Variants in GALNT10 observed in about 807,000 individuals in gnomAD.
The protein encoded by GALNT10 is GalNAc transferase 10.
In GALNT10, 41 loss-of-function variants were observed where a neutral mutation model predicts 75.0. The observed-to-expected ratio is 0.55, with a 90% CI of 0.43 to 0.71. The LOEUF is 0.71. Among genes scored for constraint, GALNT10 ranks in the 30% least tolerant of loss-of-function variants. The pLI, the probability that GALNT10 is intolerant of heterozygous loss-of-function variation, is 0.00. For missense variants in GALNT10, 727 were observed against 818.5 expected (o/e 0.89, Z 1.36); for synonymous variants, 302 against 313.0 (o/e 0.96, Z 0.37).
Position 154,399,838 on chromosome 5 carries a change from C to T in GALNT10, c.1057-4266C>T, listed in dbSNP as rs550114699. 6.3e-4 allele frequency among the ~76,000 whole-genome samples: 96 copies of T among 152,300 alleles called. 1 individual carries two copies. The highest frequency in any genetic ancestry group is 3.4e-3 in the Middle Eastern group (1 of 294). On this transcript the variant is annotated intron_variant, in intron 7 of 11. Transcript: ENST00000297107. ...GGGCACAGAGGGGTTGGTAAGGACT[C>T]TTAATGTTAAAAGTGACAGAAAGGC...
intron 3 of GALNT10, among the ~76,000 whole-genome samples, chr5:154,324,149 G>A (rs1445293514): frequency 6.6e-6 from 1 of 152,248 alleles, no homozygotes; most frequent in Non-Finnish European, 1.5e-5. Context: ...CTCATTGTGT[G>A]TAACATGGGG....
intron 1 of GALNT10, among the ~76,000 whole-genome samples, chr5:154,253,171 G>T (rs1244928358): frequency 1.3e-5 from 2 of 151,556 alleles, no homozygotes; most frequent in Non-Finnish European, 2.9e-5. Context: ...GAAAACATAG[G>T]TTGCAGTTTG....
At chr5:154,210,787 A>G (rs1775184874) in intron 1 of GALNT10, among the ~76,000 whole-genome samples, 1 of 152,262 alleles carries the variant, frequency 6.6e-6, no homozygotes, top group African/African-American at 2.4e-5. Context: ...ACAACTGGCA[A>G]AATTTGAATA....
At position 154,412,752 on chromosome 5, in the gene GALNT10, AG is replaced by A; in HGVS notation, c.1387-134del. ...AGGCTCAAGGTACTTCCAACAGCCC[AG>A]GGCAAGCTTTATCAAGACGATTTGA... On this transcript the variant is annotated intron_variant, in intron 9 of 11. Transcript: ENST00000297107. This position sits in a 1 kb window ranked among gnomAD's most constrained non-coding sequence, Gnocchi z 4.2. The A allele has an allele frequency of 1.4e-6, 1 of 727,084 alleles. No homozygotes were observed. The highest frequency in any genetic ancestry group is 1.5e-5 in the South Asian group (1 of 65,992). 45.0% of individuals were successfully genotyped at this position (727,084 alleles called of 1,614,324 possible).
chr5:154,198,352 A>T (rs1774976658), intron 1 of GALNT10, among the ~76,000 whole-genome samples: 1 of 152,208 alleles, frequency 6.6e-6, no homozygotes, highest in South Asian at 2.1e-4. Flanking sequence ...GGTACAGAAC[A>T]AGTGCTTGGT....
rs779456552 is a variant in GALNT10 at position 154,329,653 on chromosome 5, C to A, written c.483C>A (p.Leu161=). Residue 161 remains leucine, a synonymous_variant, in exon 4 of 12, where the codon CTC becomes CTA. Coordinates refer to ENST00000297107, the MANE Select transcript of GALNT10 (RefSeq NM_198321.4). The stretch of plus-strand genomic sequence containing the variant: ...TCCACAACGAGGGCTGGTCCTCCCT[C>A]CTCCGCACCGTCCACAGTGTGCTCA... ...IPFHNEGWSS[L]LRTVHSVLNR... The A allele has an allele frequency of 6.2e-7, 1 of 1,613,270 alleles. No homozygotes were observed. The highest frequency in any genetic ancestry group is 8.5e-7 in the Non-Finnish European group (1 of 1,179,210).
intron 1 of GALNT10, among the ~76,000 whole-genome samples, chr5:154,272,741 T>C (rs1753885715): frequency 6.6e-6 from 1 of 152,160 alleles, no homozygotes; most frequent in Non-Finnish European, 1.5e-5. Context: ...GATAAGGACT[T>C]GAAATTGCCT....
intron 1 of GALNT10, among the ~76,000 whole-genome samples, chr5:154,229,619 G>A (rs144229511): frequency 0.014 from 2,080 of 152,236 alleles, 41 homozygotes; most frequent in African/African-American, 0.047. Flanking sequence ...TGTAGTCCCA[G>A]CTACTTGGGA....
intron 4 of GALNT10, among the ~76,000 whole-genome samples, chr5:154,341,812 G>A (rs538786572): frequency 1.3e-5 from 2 of 152,174 alleles, no homozygotes; most frequent in Non-Finnish European, 2.9e-5. Flanking sequence ...AAACCCCTGT[G>A]TCCTTGCCCC....
At chr5:154,249,530 C>T (rs1753482542) in intron 1 of GALNT10, among the ~76,000 whole-genome samples, 1 of 152,068 alleles carries the variant, frequency 6.6e-6, no homozygotes. Context: ...TAATCCTATG[C>T]CCACCACCAG....
intron 1 of GALNT10, among the ~76,000 whole-genome samples, chr5:154,275,297 A>G (rs999826620): frequency 1.3e-5 from 2 of 152,260 alleles, no homozygotes. Context: ...GACCAGCACC[A>G]GTTCACAATG....
At chr5:154,396,083 C>G (rs1432603568) in intron 7 of GALNT10, among the ~76,000 whole-genome samples, 1 of 152,138 alleles carries the variant, frequency 6.6e-6, no homozygotes, top group Non-Finnish European at 1.5e-5. Flanking sequence ...CAACAAGTTC[C>G]AATACCTTCA....
intron 1 of GALNT10, among the ~76,000 whole-genome samples, chr5:154,197,865 T>TGCACA (rs1445533197): frequency 1.3e-5 from 2 of 152,290 alleles, no homozygotes; most frequent in East Asian, 3.9e-4. Flanking sequence ...TGCCCAAGGA[T>TGCACA]GCACAGCCTG....
chr5:154,325,513 A>C (rs566460467), intron 3 of GALNT10, among the ~76,000 whole-genome samples: 1 of 152,288 alleles, frequency 6.6e-6, no homozygotes, highest in Admixed American at 6.5e-5. Flanking sequence ...AAGTTTATAC[A>C]CTGTGACCAA....
rs538279840 is a variant in GALNT10 at position 154,350,767 on chromosome 5, C to T, written c.568+21029C>T. 1.8e-4 allele frequency among the ~76,000 whole-genome samples: 27 copies of T among 152,238 alleles called. No homozygotes were observed. In the South Asian group the frequency reaches 5.6e-3, roughly 32 times the overall value. ...CCTGTGCAAGCTCGCTCCCGCACAC[C>T]GCTAGCAAATAGTCTAAGTGTCTGA... is the stretch of plus-strand genomic sequence containing the variant. On this transcript the variant is annotated intron_variant, in intron 4 of 11. Transcript: ENST00000297107.
intron 1 of GALNT10, among the ~76,000 whole-genome samples, chr5:154,220,834 G>A (rs1399036992): frequency 6.6e-6 from 1 of 152,222 alleles, no homozygotes; most frequent in Non-Finnish European, 1.5e-5. Flanking sequence ...TGACCTGAAT[G>A]AGTCAGTCAT....
rs145602126 is a variant in GALNT10, at chr5:154,208,944, G to A, written c.159+17919G>A. ...ACTTTGTTGGAGAGGGCACAGCTAT[G>A]CTTACTGAGTGGTAGAGAGTCACTA... On this transcript the variant is annotated intron_variant, in intron 1 of 11. Coordinates refer to ENST00000297107, the MANE Select transcript of GALNT10 (RefSeq NM_198321.4). Among the ~76,000 whole-genome samples the A allele has an allele frequency of 1.1e-3, 160 of 152,328 alleles. 1 individual carries two copies. The highest frequency in any genetic ancestry group is 3.7e-3 in the African/African-American group (153 of 41,562).
chr5:154,254,183 C>T (rs1753571812), intron 1 of GALNT10, among the ~76,000 whole-genome samples: 1 of 152,140 alleles, frequency 6.6e-6, no homozygotes, highest in Non-Finnish European at 1.5e-5. Context: ...TTGCTCTCAC[C>T]CACTTGTATA....
At chr5:154,411,147 T>TA (rs201135046) in intron 9 of GALNT10, among the ~76,000 whole-genome samples, 19 of 150,686 alleles carry the variant, frequency 1.3e-4, no homozygotes, top group South Asian at 4.2e-4. Flanking sequence ...CAATTTAAAG[T>TA]AAAAAAAAAT....
Sources: gnomAD v4.1 joint callset for allele counts (sites outside exome capture counted in the v4.1 genomes callset) on GRCh38, gnomAD v4.1.1 for gene constraint, Gnocchi (gnomAD v3.1) non-coding constraint, MANE v1.5 for transcripts, NCBI Gene and HGNC (gene_info 2026-07-23, HGNC 2026-07-21) for gene names.